Variants in AGBL1 observed in about 807,000 individuals in gnomAD.
AGBL1 encodes AGBL carboxypeptidase 1, also known as cytosolic carboxypeptidase 4.
AGBL1 carries 130 observed loss-of-function variants against 118.9 expected under a neutral mutation model. The observed-to-expected ratio is 1.09, with a 90% CI of 0.95 to 1.26. AGBL1 has a LOEUF of 1.26. Among genes scored for constraint, AGBL1 ranks in the 50% most tolerant of loss-of-function variants. The pLI is 0.00. For missense variants in AGBL1, 1,584 were observed against 1,298.1 expected (o/e 1.22, Z -3.38); for synonymous variants, 555 against 478.9 (o/e 1.16, Z -2.08).
chr15:86,545,911 G>C (rs1181466257), intron 19 of AGBL1, 91 bp from the exon 20 acceptor site: 4 of 1,451,922 alleles, frequency 2.8e-6, no homozygotes, highest in African/African-American at 1.4e-5. Context: ...CTTTCTTTGA[G>C]CCATGGAACA....
intron 22 of AGBL1, among the ~76,000 whole-genome samples, chr15:86,683,902 A>G (rs2086007304): frequency 6.6e-6 from 1 of 152,146 alleles, no homozygotes; most frequent in African/African-American, 2.4e-5. Flanking sequence ...TTAATTTTAC[A>G]TCATTACCGC....
At chr15:86,183,579 A>G (rs1196094405) in intron 5 of AGBL1, among the ~76,000 whole-genome samples, 1 of 152,192 alleles carries the variant, frequency 6.6e-6, no homozygotes, top group African/African-American at 2.4e-5. Flanking sequence ...TAGAATAAAT[A>G]AATAAAACAT....
intron 3 of AGBL1, among the ~76,000 whole-genome samples, chr15:86,147,990 G>C (rs2077055105): frequency 6.6e-6 from 1 of 152,192 alleles, no homozygotes; most frequent in Admixed American, 6.5e-5. Flanking sequence ...AGGCAAACAA[G>C]GTCTGGAGTG....
chr15:86,750,703 A>G (rs1276918299), intron 22 of AGBL1, among the ~76,000 whole-genome samples: 1 of 152,002 alleles, frequency 6.6e-6, no homozygotes, highest in Non-Finnish European at 1.5e-5. Context: ...TAATTGTGTC[A>G]TGGGCATTTG....
chr15:86,146,059 C>G (rs1179849861), intron 3 of AGBL1, among the ~76,000 whole-genome samples: 2 of 152,104 alleles, frequency 1.3e-5, no homozygotes, highest in South Asian at 4.2e-4. Flanking sequence ...GAGAGTCAGA[C>G]ATGGGTTTCA....
At chr15:86,440,757 C>T (rs930541269) in intron 18 of AGBL1, among the ~76,000 whole-genome samples, 4 of 152,096 alleles carry the variant, frequency 2.6e-5, no homozygotes, top group Non-Finnish European at 4.4e-5. Flanking sequence ...AGCACAAACA[C>T]AATAGGAATG....
intron 3 of AGBL1, among the ~76,000 whole-genome samples, chr15:86,146,106 G>A (rs1019397489): frequency 2.6e-5 from 4 of 152,064 alleles, no homozygotes; most frequent in Non-Finnish European, 5.9e-5. Flanking sequence ...TGTGACCTTG[G>A]GCAAAGTACT....
At chr15:86,818,204 A>G (rs1299068094) in intron 22 of AGBL1, among the ~76,000 whole-genome samples, 1 of 152,154 alleles carries the variant, frequency 6.6e-6, no homozygotes, top group Non-Finnish European at 1.5e-5. Context: ...CACATTTAAC[A>G]CATTTCTGTT....
At chr15:86,506,922 TGAGA>T (rs2082984339) in intron 18 of AGBL1, among the ~76,000 whole-genome samples, 1 of 152,140 alleles carries the variant, frequency 6.6e-6, no homozygotes, top group Non-Finnish European at 1.5e-5. Context: ...AATATTATTT[TGAGA>T]ATTATTTTCT....
chr15:86,925,137 A>AGGAG (rs1567242782), intron 23 of AGBL1, among the ~76,000 whole-genome samples: 25 of 25,228 alleles, frequency 9.9e-4, no homozygotes, highest in African/African-American at 1.8e-3. Flanking sequence ...AGGAAGAGGA[A>AGGAG]GAGGAAGAGG....
rs181433503 is a variant in AGBL1 at position 86,113,350 on chromosome 15, C to T, written c.52-28654C>T. ...TTGCCCAGGCTGGAGTGCAGTGGCACGATCTTGGCTCACTGCAACCTCTGC... is the reference window on the plus strand; with the variant it reads ...TTGCCCAGGCTGGAGTGCAGTGGCATGATCTTGGCTCACTGCAACCTCTGC... On this transcript the variant is annotated intron_variant, in intron 1 of 22. Coordinates refer to ENST00000614907, the MANE Select transcript of AGBL1 (RefSeq NM_001386094.1). Among the ~76,000 whole-genome samples, 346 of 144,878 alleles carry T rather than the reference C, an allele frequency of 2.4e-3. 2 individuals carry two copies. Among genetic ancestry groups the T allele is most frequent in the Non-Finnish European group, 3.9e-3 (258 of 66,714 alleles).
intron 5 of AGBL1, among the ~76,000 whole-genome samples, chr15:86,185,112 T>C (rs913881056): frequency 6.6e-6 from 1 of 152,046 alleles, no homozygotes; most frequent in Non-Finnish European, 1.5e-5. Flanking sequence ...AACAGACACT[T>C]CTCAAAAGAA....
At chr15:86,323,416 GAA>G (rs5814236) in intron 17 of AGBL1, among the ~76,000 whole-genome samples, 16 of 149,856 alleles carry the variant, frequency 1.1e-4, no homozygotes, top group South Asian at 2.1e-4. Flanking sequence ...GTCATATTTT[GAA>G]AAAAAAAAAT....
intron 17 of AGBL1, among the ~76,000 whole-genome samples, chr15:86,355,000 C>A (rs939488478): frequency 6.6e-6 from 1 of 152,140 alleles, no homozygotes; most frequent in African/African-American, 2.4e-5. Flanking sequence ...TAGTTGACAG[C>A]CAGCAAGAGA....
At chr15:86,379,019 TCTC>T (rs2081076151) in intron 17 of AGBL1, among the ~76,000 whole-genome samples, 1 of 151,978 alleles carries the variant, frequency 6.6e-6, no homozygotes, top group South Asian at 2.1e-4. Context: ...GTAAAGCAAT[TCTC>T]CTGCCTCAGC....
At chr15:86,229,190 C>CTCTG (rs2078416108) in intron 6 of AGBL1, among the ~76,000 whole-genome samples, 3 of 152,000 alleles carry the variant, frequency 2.0e-5, no homozygotes, top group Admixed American at 2.0e-4. Context: ...TTGTTTTTCC[C>CTCTG]TCTGTATTAG....
At chr15:86,374,497 C>A (rs541696279) in intron 17 of AGBL1, among the ~76,000 whole-genome samples, 1 of 152,300 alleles carries the variant, frequency 6.6e-6, no homozygotes, top group Admixed American at 6.5e-5. Context: ...GGTGATGGAT[C>A]ATTTTGATTT....
chr15:86,647,128 A>G (rs1028782756), intron 21 of AGBL1, among the ~76,000 whole-genome samples: 1 of 152,178 alleles, frequency 6.6e-6, no homozygotes, highest in African/African-American at 2.4e-5. Context: ...TAATTGATTT[A>G]TATAACAATC....
intron 18 of AGBL1, among the ~76,000 whole-genome samples, chr15:86,460,810 C>A (rs555927197): frequency 9.2e-5 from 14 of 152,172 alleles, no homozygotes; most frequent in African/African-American, 3.4e-4. Flanking sequence ...TGACACTTGA[C>A]CTCATACATC....
Sources: gnomAD v4.1 joint callset for allele counts (sites outside exome capture counted in the v4.1 genomes callset) on GRCh38, gnomAD v4.1.1 for gene constraint, MANE v1.5 for transcripts, NCBI Gene and HGNC (gene_info 2026-07-23, HGNC 2026-07-21) for gene names.